The following PLA2G4E variants were observed in gnomAD, a reference collection of about 807,000 sequenced individuals.
PLA2G4E encodes phospholipase A2 group IVE, also known as cytosolic phospholipase A2 epsilon.
Under a neutral mutation model 109.1 loss-of-function variants are expected in PLA2G4E, and 84 were observed. The ratio of observed to expected loss-of-function variants is 0.77; its 90% CI spans 0.65 to 0.92. The LOEUF is 0.92. Among genes scored for constraint, PLA2G4E ranks in the 40% least tolerant of loss-of-function variants. The pLI is 0.00. For synonymous variants in PLA2G4E, 469 were observed against 436.1 expected (o/e 1.08, Z -0.94); for missense variants, 1,057 against 1,076.6 (o/e 0.98, Z 0.25).
At chr15:42,036,523 G>C (rs1356639983) in intron 1 of PLA2G4E, among the ~76,000 whole-genome samples, 1 of 152,126 alleles carries the variant, frequency 6.6e-6, no homozygotes, top group Non-Finnish European at 1.5e-5. Flanking sequence ...GGCTCTGCTC[G>C]GCGCTGCTCA....
chr15:41,986,915 G>T, intron 17 of PLA2G4E: 1 of 522,638 alleles, frequency 1.9e-6, no homozygotes, highest in Admixed American at 3.3e-5. Context: ...CTACCTGCTA[G>T]GACTGTTGTA....
At chr15:42,014,395 C>T (rs912964582) in intron 1 of PLA2G4E, among the ~76,000 whole-genome samples, 2 of 152,186 alleles carry the variant, frequency 1.3e-5, no homozygotes, top group Non-Finnish European at 2.9e-5. Context: ...ACAGAATGAA[C>T]GCCCATGGCA....
intron 1 of PLA2G4E, among the ~76,000 whole-genome samples, chr15:42,031,617 G>A (rs1487666811): frequency 6.6e-6 from 1 of 152,114 alleles, no homozygotes; most frequent in African/African-American, 2.4e-5. Flanking sequence ...CACAGAGGGG[G>A]TATTGTAACA....
At chr15:42,001,921 G>A (rs893416759) in intron 6 of PLA2G4E, among the ~76,000 whole-genome samples, 2 of 152,110 alleles carry the variant, frequency 1.3e-5, no homozygotes, top group South Asian at 2.1e-4. Flanking sequence ...TTGAACTCCC[G>A]GGCTCAAGTG....
intron 12 of PLA2G4E, among the ~76,000 whole-genome samples, chr15:41,994,194 A>C (rs2068299283): frequency 6.6e-6 from 1 of 152,208 alleles, no homozygotes; most frequent in South Asian, 2.1e-4. Flanking sequence ...CCTCTCTCAT[A>C]GTTTTTTGTG....
chr15:42,007,199 C>T (rs930760631), intron 3 of PLA2G4E, among the ~76,000 whole-genome samples: 5 of 152,136 alleles, frequency 3.3e-5, no homozygotes, highest in South Asian at 4.1e-4. Flanking sequence ...ACTCAGGATG[C>T]TCAAAGGATA....
chr15:42,038,921 CTA>C (rs1889265775), intron 1 of PLA2G4E, among the ~76,000 whole-genome samples: 1 of 152,168 alleles, frequency 6.6e-6, no homozygotes, highest in South Asian at 2.1e-4. Context: ...TCCCATTGGG[CTA>C]TACGATGGGG....
chr15:41,986,033 C>T, intron 17 of PLA2G4E, 28 bp from the exon 18 acceptor site: 2 of 1,566,894 alleles, frequency 1.3e-6, no homozygotes, highest in African/African-American at 1.4e-5. Flanking sequence ...CCGTTACCAA[C>T]ACACCTGGTG....
chr15:42,023,002 A>C (rs2068661237), intron 1 of PLA2G4E, among the ~76,000 whole-genome samples: 1 of 152,122 alleles, frequency 6.6e-6, no homozygotes, highest in African/African-American at 2.4e-5. Context: ...AGGCACCACT[A>C]GGAGGAAGAG....
At chr15:42,013,658 A>G (rs78186733) in intron 2 of PLA2G4E, 27 bp downstream of exon 2, 71 of 1,269,242 alleles carry the variant, frequency 5.6e-5, no homozygotes, top group Non-Finnish European at 7.4e-5. Flanking sequence ...GTAAGCAGAG[A>G]AGGAGAGAAG....
intron 12 of PLA2G4E, 46 bp downstream of exon 12, chr15:41,995,313 TC>T: frequency 6.3e-7 from 1 of 1,593,040 alleles, no homozygotes. Flanking sequence ...GCCAGCCTGT[TC>T]GTGGCTTGCC....
intron 1 of PLA2G4E, among the ~76,000 whole-genome samples, chr15:42,019,498 G>C (rs1289856915): frequency 6.6e-6 from 1 of 152,148 alleles, no homozygotes; most frequent in South Asian, 2.1e-4. Context: ...GGCACCTGGG[G>C]AGCCTGCAGG....
chr15:42,028,550 G>T (rs1391010042), intron 1 of PLA2G4E, among the ~76,000 whole-genome samples: 1 of 152,040 alleles, frequency 6.6e-6, no homozygotes, highest in East Asian at 1.9e-4. Flanking sequence ...GGGATTACAG[G>T]AGTGAGCCAC....
At position 42,002,419 on chromosome 15, in the gene PLA2G4E, A is replaced by G. The variant is rs151206374; in HGVS notation, c.609+235T>C. On this transcript the variant is annotated intron_variant, in intron 6 of 19. Transcript: ENST00000399518. ...GGGAAGGGTCACTTTTGGGATATGAAGTGCTCGGCCAGGGTGATGTCCCAG... is the reference window on the plus strand; with the variant it reads ...GGGAAGGGTCACTTTTGGGATATGAGGTGCTCGGCCAGGGTGATGTCCCAG... 3.8e-4 allele frequency among the ~76,000 whole-genome samples: 58 copies of G among 152,174 alleles called. No homozygotes were observed. The East Asian group carries it at 9.9e-3, about 26-fold the overall frequency.
rs59786885 is a variant in PLA2G4E, at chr15:41,999,977, C to G, written c.876G>C (p.Lys292Asn). ...AGTCGAGGGGCTGGCTGATGGGGCCCTTCTTGCGAGAGCGGCAGCAAAGCT... is the reference window on the plus strand; with the variant it reads ...AGTCGAGGGGCTGGCTGATGGGGCCGTTCTTGCGAGAGCGGCAGCAAAGCT... The change falls in exon 9 of 20, where the codon AAG (lysine) becomes AAC (asparagine). Residue 292 changes from lysine to asparagine, a missense_variant. Coordinates refer to ENST00000399518, the Ensembl canonical transcript of PLA2G4E. The G allele has an allele frequency of 3.1e-3, 5,023 of 1,610,420 alleles. 147 individuals carry two copies. In the African/African-American group the frequency reaches 0.058, roughly 19 times the overall value.
At chr15:41,983,790 C>T (rs1199791107) in exon 20 of PLA2G4E, 1 of 1,604,890 alleles carries the variant, frequency 6.2e-7, no homozygotes, top group Admixed American at 1.7e-5. Flanking sequence ...GCTTCTTCTT[C>T]TCCACTGCGA....
At chr15:42,050,260 T>C (rs1340542027) in intron 1 of PLA2G4E, among the ~76,000 whole-genome samples, 1 of 152,248 alleles carries the variant, frequency 6.6e-6, no homozygotes, top group Non-Finnish European at 1.5e-5. Flanking sequence ...ATGCAGATAC[T>C]GATTCCTGCC....
intron 1 of PLA2G4E, among the ~76,000 whole-genome samples, chr15:42,045,110 AG>A (rs1889391039): frequency 6.6e-6 from 1 of 151,964 alleles, no homozygotes; most frequent in Non-Finnish European, 1.5e-5. Flanking sequence ...CTTGAAGGGG[AG>A]GCTGTCAAGA....
chr15:42,035,245 G>C (rs1266222025), intron 1 of PLA2G4E, among the ~76,000 whole-genome samples: 1 of 152,062 alleles, frequency 6.6e-6, no homozygotes, highest in Non-Finnish European at 1.5e-5. Flanking sequence ...TCTCTCATTT[G>C]TCCTTGACTG....
Sources: allele counts gnomAD v4.1 joint callset (sites outside exome capture counted in the v4.1 genomes callset), GRCh38; gene constraint gnomAD v4.1.1; transcripts MANE v1.5; gene names NCBI Gene and HGNC (gene_info 2026-07-23, HGNC 2026-07-21).